Variants in PRELID2 observed in about 807,000 individuals in gnomAD.
PRELID2 encodes PRELI domain containing 2.
A neutral mutation model predicts 28.4 loss-of-function variants in PRELID2; 25 were observed. The ratio of observed to expected loss-of-function variants is 0.88; its 90% confidence interval spans 0.64 to 1.23. The LOEUF (loss-of-function observed/expected upper bound fraction) is 1.23, where lower values mean the gene tolerates loss of function less well. Among genes scored for constraint, PRELID2 ranks in the 50% most tolerant of loss-of-function variants. The pLI, the probability that PRELID2 is intolerant of heterozygous loss-of-function variation, is 0.00. For synonymous variants in PRELID2, 76 were observed against 71.6 expected, an observed-to-expected ratio of 1.06 and a Z score of -0.31; for missense variants, 201 against 214.4, an observed-to-expected ratio of 0.94 and a Z score of 0.39.
intron 1 of PRELID2, among the ~76,000 whole-genome samples, chr5:145,597,921 C>T (rs1753333082): frequency 6.6e-6 from 1 of 152,114 alleles, no homozygotes. Flanking sequence ...AAGCTATTTT[C>T]TGTGCAGAAT....
chr5:145,711,445 A>C (rs1292572486), intron 1 of PRELID2, among the ~76,000 whole-genome samples: 2 of 152,176 alleles, frequency 1.3e-5, no homozygotes, highest in Non-Finnish European at 2.9e-5. Flanking sequence ...TGATTTGGAT[A>C]AGACCATCTG....
the PRELID2 span, among the ~76,000 whole-genome samples, chr5:145,409,512 G>A: frequency 1.3e-5 from 2 of 152,118 alleles, no homozygotes; most frequent in Middle Eastern, 3.4e-3. Context: ...TAAACTTAAG[G>A]CAAAGGGGTG....
intron 1 of PRELID2, among the ~76,000 whole-genome samples, chr5:145,482,601 G>A (rs964835487): frequency 6.6e-5 from 10 of 152,024 alleles, no homozygotes; most frequent in African/African-American, 1.9e-4. Flanking sequence ...ATTTTTCCAC[G>A]AACTGGGTTG....
the PRELID2 span, among the ~76,000 whole-genome samples, chr5:145,399,517 G>GA: frequency 3.9e-5 from 6 of 151,918 alleles, no homozygotes; most frequent in African/African-American, 1.5e-4. Context: ...AATTCCAACT[G>GA]AATCTAACAT....
rs79028096 is a variant in PRELID2, at chr5:145,588,468, T to A, written n.71-115153A>T. Among the ~76,000 whole-genome samples, 196 of 152,296 alleles carry A rather than the reference T, an allele frequency of 1.3e-3. 2 individuals carry two copies. The highest frequency in any genetic ancestry group is 4.6e-3 in the African/African-American group (192 of 41,566). On this transcript the variant is annotated intron_variant and non_coding_transcript_variant, in intron 1 of 2. Coordinates refer to the PRELID2 transcript ENST00000510259. ...GTCCCAAATCGTACTTAAGTATGAA[T>A]GAATGAATAGACCTGTAATCCACCC... is the stretch of plus-strand genomic sequence containing the variant.
At chr5:145,554,031 C>A (rs983406129) in intron 1 of PRELID2, among the ~76,000 whole-genome samples, 4 of 152,094 alleles carry the variant, frequency 2.6e-5, no homozygotes, top group Non-Finnish European at 5.9e-5. Context: ...GAGGAGGAAA[C>A]AATAAGCCCA....
chr5:145,693,466 TA>T (rs112047947), intron 1 of PRELID2, among the ~76,000 whole-genome samples: 52 of 149,100 alleles, frequency 3.5e-4, no homozygotes, highest in Admixed American at 4.7e-4. Context: ...TTCTTAAAAT[TA>T]AAAAAAAAAT....
At position 145,702,396 on chromosome 5, in the gene PRELID2, GT is replaced by G. The variant is rs1211401065; in HGVS notation, n.70+62534del. Reference sequence around the variant, plus strand: ...AAAGTAAAGGAACTATAGTAGATGGGTTAAATGTGTTTTTCTTTTCTCTGTT... The same window carrying G: ...AAAGTAAAGGAACTATAGTAGATGGGTAAATGTGTTTTTCTTTTCTCTGTT... On this transcript the variant is annotated intron_variant and non_coding_transcript_variant, in intron 1 of 2. Transcript: ENST00000510259. 6.6e-5 allele frequency among the ~76,000 whole-genome samples: 10 copies of G among 152,276 alleles called. No individual in the cohort carries two copies. In the East Asian group the frequency reaches 1.9e-3, roughly 29 times the overall value.
At chr5:145,702,595 C>T (rs1315787608) in intron 1 of PRELID2, among the ~76,000 whole-genome samples, 1 of 152,160 alleles carries the variant, frequency 6.6e-6, no homozygotes, top group Non-Finnish European at 1.5e-5. Flanking sequence ...AGAGGTAAAG[C>T]AATTCAATGA....
intron 1 of PRELID2, among the ~76,000 whole-genome samples, chr5:145,668,758 G>T (rs961237861): frequency 1.4e-4 from 22 of 152,174 alleles, no homozygotes; most frequent in African/African-American, 5.1e-4. Flanking sequence ...CACACAGCTG[G>T]TTTATTGGTT....
intron 1 of PRELID2, among the ~76,000 whole-genome samples, chr5:145,715,257 G>C (rs1308783438): frequency 6.6e-6 from 1 of 152,052 alleles, no homozygotes; most frequent in Admixed American, 6.6e-5. Flanking sequence ...CAAAAATCTA[G>C]AGGTTATCTT....
At chr5:145,820,467 G>C (rs780269415) in intron 2 of PRELID2, among the ~76,000 whole-genome samples, 4 of 152,278 alleles carry the variant, frequency 2.6e-5, no homozygotes, top group Non-Finnish European at 5.9e-5. Flanking sequence ...ACGATGACCA[G>C]TGGGACTCCT....
chr5:145,547,011 C>A (rs1000860836), intron 1 of PRELID2, among the ~76,000 whole-genome samples: 2 of 152,094 alleles, frequency 1.3e-5, no homozygotes, highest in African/African-American at 4.8e-5. Context: ...ATAAAATACA[C>A]GTGAAATGCT....
chr5:145,289,709 T>G, the PRELID2 span, among the ~76,000 whole-genome samples: 1 of 152,220 alleles, frequency 6.6e-6, no homozygotes, highest in Non-Finnish European at 1.5e-5. Context: ...ATTTTGCATC[T>G]GCACCAGTAA....
At chr5:145,792,087 C>A (rs148717169) in intron 5 of PRELID2, among the ~76,000 whole-genome samples, 3 of 152,102 alleles carry the variant, frequency 2.0e-5, no homozygotes, top group South Asian at 2.1e-4. Flanking sequence ...CCATCATTAC[C>A]GTGTATCACA....
chr5:145,542,783 T>TTCTTTCTTTCTTTCTTTCTG (rs397750315), intron 1 of PRELID2, among the ~76,000 whole-genome samples: 1 of 114,632 alleles, frequency 8.7e-6, no homozygotes, highest in East Asian at 2.2e-4. Flanking sequence ...CTTTCTTTCT[T>TTCTTTCTTTCTTTCTTTCTG]TCTGTCTTTT....
At chr5:145,416,879 G>A in the PRELID2 span, among the ~76,000 whole-genome samples, 1 of 151,734 alleles carries the variant, frequency 6.6e-6, no homozygotes, top group Non-Finnish European at 1.5e-5. Flanking sequence ...CAAGCCCAAA[G>A]TCTCATCTGA....
the PRELID2 span, among the ~76,000 whole-genome samples, chr5:145,410,665 G>A: frequency 6.6e-6 from 1 of 152,062 alleles, no homozygotes; most frequent in Admixed American, 6.6e-5. Flanking sequence ...GGGGGAAACT[G>A]CCCCCATGAT....
the PRELID2 span, among the ~76,000 whole-genome samples, chr5:145,456,665 T>G: frequency 6.6e-6 from 1 of 152,188 alleles, no homozygotes; most frequent in African/African-American, 2.4e-5. Context: ...TAACAATAAA[T>G]AAGTGATAAT....
Sources: gnomAD v4.1 joint callset for allele counts (sites outside exome capture counted in the v4.1 genomes callset) on GRCh38, gnomAD v4.1.1 for gene constraint, MANE v1.5 for transcripts, NCBI Gene and HGNC (gene_info 2026-07-23, HGNC 2026-07-21) for gene names.